Variants in NEB observed in about 807,000 individuals in gnomAD.
NEB encodes nebulin.
Under a neutral mutation model 952.2 loss-of-function variants are expected in NEB, and 512 were observed. The observed-to-expected ratio is 0.54, with a 90% confidence interval of 0.50 to 0.58. The LOEUF is 0.58. Ranked by LOEUF, NEB falls within the 20% of genes least tolerant of loss-of-function variation. The pLI is 0.00. For synonymous variants in NEB, 2,900 were observed against 3,149.8 expected (o/e 0.92, Z 2.66); for missense variants, 8,428 against 9,231.1 (o/e 0.91, Z 3.56).
chr2:151,553,736 G>A, intron 126 of NEB, 92 bp downstream of exon 126: 1 of 1,268,254 alleles, frequency 7.9e-7, no homozygotes, highest in Non-Finnish European at 1.1e-6. Flanking sequence ...AGTGGAAAAA[G>A]GCTAAGGTAA....
In NEB at chr2:151,609,844, T is replaced by G; in HGVS notation, c.12295A>C (p.Ile4099Leu). The G allele has an allele frequency of 6.2e-7, 1 of 1,604,128 alleles. No individual in the cohort carries two copies. The highest frequency in any genetic ancestry group is 8.5e-7 in the Non-Finnish European group (1 of 1,173,464). ...AGGTCATAGGCCTTTTTTGCTTGGA[T>G]AATGTCGTTTTGATCCGGCATGCAT... ...WTCMPDQNDI[I>L]QAKKAYDLQS... Residue 4099 changes from isoleucine (I) to leucine (L), a missense_variant, in exon 81 of 182, where the codon ATC (isoleucine) becomes CTC (leucine). Ile to Leu is a conservative substitution (Grantham distance 5). Transcript: ENST00000397345.
intron 20 of NEB, among the ~76,000 whole-genome samples, chr2:151,693,243 TTTTTTA>T (rs1466370944): frequency 7.2e-5 from 11 of 152,152 alleles, no homozygotes; most frequent in Admixed American, 4.6e-4. Flanking sequence ...TTTTATCTTA[TTTTTTA>T]TTTTTTTGTT....
chr2:151,535,916 T>C, intron 141 of NEB, 121 bp from the exon 142 acceptor site: 1 of 609,974 alleles, frequency 1.6e-6, no homozygotes, highest in Non-Finnish European at 2.8e-6. Flanking sequence ...CATATTCGTT[T>C]GTTTGTTTTG....
intron 27 of NEB, among the ~76,000 whole-genome samples, chr2:151,686,134 T>C (rs1398507999): frequency 2.6e-5 from 4 of 152,202 alleles, no homozygotes; most frequent in African/African-American, 4.8e-5. Flanking sequence ...GCAATAGGTG[T>C]GTGGAAGTAT....
rs553190163 is a variant in NEB at position 151,537,123 on chromosome 2, T to C, written c.21207+9A>G. 3 of 1,564,008 alleles carry C rather than the reference T, an allele frequency of 1.9e-6. No homozygotes were observed. In the African/African-American group the frequency reaches 4.1e-5, roughly 21 times the overall value. ...ATGGATGAGGCCAATTCTCCTTGAG[T>C]ATATATACCTTGCTGTAGAGAGTCT... is the stretch of plus-strand genomic sequence containing the variant. On this transcript the variant is annotated intron_variant, in intron 141 of 181. Coordinates refer to ENST00000397345, the MANE Select transcript of NEB (RefSeq NM_001164508.2).
At chr2:151,609,703 G>T (rs1402342313) in intron 81 of NEB, 106 bp downstream of exon 81, 3 of 1,069,940 alleles carry the variant, frequency 2.8e-6, no homozygotes, top group South Asian at 4.6e-5. Flanking sequence ...CCACCCCCAG[G>T]TTTGTGCAGT....
intron 177 of NEB, 21 bp downstream of exon 177, chr2:151,492,366 C>A (rs1281527629): frequency 1.3e-6 from 2 of 1,592,838 alleles, no homozygotes; most frequent in East Asian, 2.2e-5. Flanking sequence ...GCCAGCCAAT[C>A]CTAAAGAATT....
intron 64 of NEB, among the ~76,000 whole-genome samples, chr2:151,635,080 T>C (rs527959796): frequency 6.6e-6 from 1 of 152,316 alleles, no homozygotes; most frequent in East Asian, 1.9e-4. Context: ...GAGTTTGATT[T>C]GAGGCAAGTT....
chr2:151,529,136 T>A, intron 146 of NEB, 74 bp downstream of exon 146: 1 of 961,494 alleles, frequency 1.0e-6, no homozygotes, highest in East Asian at 2.4e-5. Flanking sequence ...CCTGAAGAGA[T>A]GTAAAAAGAG....
intron 54 of NEB, among the ~76,000 whole-genome samples, chr2:151,647,952 G>A (rs572804368): frequency 5.3e-5 from 8 of 152,198 alleles, no homozygotes; most frequent in Admixed American, 1.3e-4. Context: ...GATTATGTGA[G>A]TATGTTCTTA....
chr2:151,547,851 A>T (rs1209950229), intron 131 of NEB, 113 bp from the exon 132 acceptor site: 5 of 705,086 alleles, frequency 7.1e-6, no homozygotes, highest in Non-Finnish European at 1.2e-5. Context: ...AATATCGAGG[A>T]TATAGAAAAT....
intron 34 of NEB, among the ~76,000 whole-genome samples, chr2:151,677,131 T>C (rs1335025621): frequency 6.6e-6 from 1 of 152,226 alleles, no homozygotes; most frequent in African/African-American, 2.4e-5. Context: ...CATATATTCA[T>C]ATGTATTACT....
intron 13 of NEB, among the ~76,000 whole-genome samples, chr2:151,704,716 G>C (rs1382008542): frequency 1.3e-5 from 2 of 152,148 alleles, no homozygotes; most frequent in Non-Finnish European, 2.9e-5. Flanking sequence ...CCCTGCTTCG[G>C]CTCACGCACA....
At chr2:151,626,929 CTAACT>C in intron 70 of NEB, 68 bp downstream of exon 70, 6 of 1,537,854 alleles carry the variant, frequency 3.9e-6, no homozygotes, top group Non-Finnish European at 5.4e-6. Context: ...AAAAAAGAGA[CTAACT>C]TAATTAACAA....
intron 166 of NEB, 109 bp from the exon 167 acceptor site, chr2:151,502,994 G>T: frequency 1.5e-6 from 1 of 649,548 alleles, no homozygotes; most frequent in Non-Finnish European, 2.7e-6. Flanking sequence ...TTTTTAGTAA[G>T]TAATATTTAG....
intron 175 of NEB, 137 bp downstream of exon 175, chr2:151,493,638 G>C: frequency 1.2e-6 from 1 of 825,034 alleles, no homozygotes; most frequent in Non-Finnish European, 1.8e-6. Context: ...GGGTTGGTTT[G>C]TTGTTTTTAA....
chr2:151,514,790 G>A, intron 158 of NEB, 28 bp downstream of exon 158: 1 of 1,428,724 alleles, frequency 7.0e-7, no homozygotes, highest in Middle Eastern at 1.7e-4. Flanking sequence ...TGGATTAAGA[G>A]GGAAAGAAAA....
In NEB at chr2:151,514,442, G is replaced by T; in HGVS notation, c.23017-14C>A. ...CCTGTACTCTTTCTATATCATGAAA[G>T]AAAAGCAACAACATTGACAAGAAAG... On this transcript the variant is annotated splice_polypyrimidine_tract_variant and intron_variant, in intron 158 of 181. Coordinates refer to ENST00000397345, the MANE Select transcript of NEB (RefSeq NM_001164508.2). The T allele has an allele frequency of 6.4e-7, 1 of 1,563,606 alleles. No homozygotes were observed.
chr2:151,535,578 AAACTT>A (rs1218390331), intron 142 of NEB, 108 bp downstream of exon 142: 31 of 620,268 alleles, frequency 5.0e-5, no homozygotes, highest in Non-Finnish European at 1.9e-5. Context: ...GTTAAAATGA[AAACTT>A]AGGATGGCTT....
Sources: gnomAD v4.1 joint callset for allele counts (sites outside exome capture counted in the v4.1 genomes callset) on GRCh38, gnomAD v4.1.1 for gene constraint, MANE v1.5 for transcripts, NCBI Gene and HGNC (gene_info 2026-07-23, HGNC 2026-07-21) for gene names.